The following OXCT1 variants were observed in gnomAD, a reference collection of about 807,000 sequenced individuals.
OXCT1 encodes the protein succinyl-CoA:3-ketoacid coenzyme A transferase 1, mitochondrial.
In OXCT1, 27 loss-of-function variants were observed where a neutral mutation model predicts 69.6. The observed-to-expected ratio is 0.39, with a 90% CI of 0.29 to 0.54. The LOEUF is 0.54. Ranked by LOEUF, OXCT1 falls within the 20% of genes least tolerant of loss-of-function variation. The probability of loss-of-function intolerance (pLI) is 0.72; values close to 1 mark genes in which losing one functional copy is unlikely to be tolerated. For missense variants in OXCT1, 437 were observed against 650.2 expected, an observed-to-expected ratio of 0.67 and a Z score of 3.57; for synonymous variants, 202 against 217.8, an observed-to-expected ratio of 0.93 and a Z score of 0.64.
intron 2 of OXCT1, among the ~76,000 whole-genome samples, chr5:41,862,074 G>C (rs1182938151): frequency 6.6e-6 from 1 of 152,144 alleles, no homozygotes; most frequent in African/African-American, 2.4e-5. Flanking sequence ...AGCCAGGAGT[G>C]ATGGTGGGTG....
At chr5:41,857,716 C>G (rs1749497208) in intron 3 of OXCT1, among the ~76,000 whole-genome samples, 1 of 152,236 alleles carries the variant, frequency 6.6e-6, no homozygotes, top group African/African-American at 2.4e-5. Context: ...CCCTCCAATA[C>G]AAATTCCAGT....
At position 41,776,157 on chromosome 5, in the gene OXCT1, T is replaced by G. The variant is rs113950799; in HGVS notation, c.1249-13957A>C. 6.4e-3 allele frequency among the ~76,000 whole-genome samples: 972 copies of G among 152,254 alleles called. 7 individuals are homozygous for G. Among genetic ancestry groups the G allele is most frequent in the Admixed American group, 0.021 (322 of 15,292 alleles). On this transcript the variant is annotated intron_variant, in intron 13 of 16. Transcript: ENST00000196371. ...TAAAAACCCATAACCCACATCTAATTATGAGAAAAACATCAGACAAATCCA... is the reference window on the plus strand; with the variant it reads ...TAAAAACCCATAACCCACATCTAATGATGAGAAAAACATCAGACAAATCCA...
At chr5:41,848,779 C>T (rs1161843117) in intron 5 of OXCT1, among the ~76,000 whole-genome samples, 8 of 152,028 alleles carry the variant, frequency 5.3e-5, no homozygotes, top group African/African-American at 7.2e-5. Context: ...ATACAAAAAT[C>T]AATTCAAGAT....
chr5:41,818,774 A>G (rs768207855), intron 7 of OXCT1, among the ~76,000 whole-genome samples: 14 of 152,200 alleles, frequency 9.2e-5, no homozygotes, highest in Non-Finnish European at 1.3e-4. Context: ...ACGTGTTTAT[A>G]AGACAAAAAT....
At chr5:41,732,385 T>C (rs1350267104) in intron 16 of OXCT1, among the ~76,000 whole-genome samples, 1 of 152,200 alleles carries the variant, frequency 6.6e-6, no homozygotes, top group East Asian at 1.9e-4. Context: ...ATGTTCAGTG[T>C]ATAAAACAGT....
chr5:41,782,233 T>A (rs1003539704), intron 13 of OXCT1, among the ~76,000 whole-genome samples: 5 of 151,514 alleles, frequency 3.3e-5, no homozygotes, highest in Non-Finnish European at 7.4e-5. Context: ...TTTTTTTTTT[T>A]AAATGGAGTC....
intron 3 of OXCT1, among the ~76,000 whole-genome samples, chr5:41,854,670 G>C (rs1749348211): frequency 6.6e-6 from 1 of 151,806 alleles, no homozygotes; most frequent in South Asian, 2.1e-4. Flanking sequence ...TTTTTTAATG[G>C]TGAAATTGTT....
At chr5:41,744,052 T>A (rs1219612384) in intron 15 of OXCT1, among the ~76,000 whole-genome samples, 1 of 152,194 alleles carries the variant, frequency 6.6e-6, no homozygotes, top group Non-Finnish European at 1.5e-5. Context: ...TAGCATTGAA[T>A]CTATAAATTA....
chr5:41,855,800 A>G (rs964874766), intron 3 of OXCT1, among the ~76,000 whole-genome samples: 5 of 152,212 alleles, frequency 3.3e-5, no homozygotes, highest in African/African-American at 1.2e-4. Context: ...ACAAATTGTG[A>G]TAATTCTGAA....
intron 1 of OXCT1, among the ~76,000 whole-genome samples, chr5:41,864,481 G>A (rs966061565): frequency 3.9e-5 from 6 of 152,178 alleles, no homozygotes; most frequent in African/African-American, 1.4e-4. Context: ...CTATTCATCT[G>A]CTTCTGTTTT....
chr5:41,811,179 T>C (rs1177573045), intron 7 of OXCT1, among the ~76,000 whole-genome samples: 1 of 151,276 alleles, frequency 6.6e-6, no homozygotes, highest in Non-Finnish European at 1.5e-5. Context: ...GTGCTCTGGA[T>C]GTTAAAATGA....
At chr5:41,785,895 A>G (rs921726631) in intron 13 of OXCT1, among the ~76,000 whole-genome samples, 6 of 152,238 alleles carry the variant, frequency 3.9e-5, no homozygotes, top group African/African-American at 1.4e-4. Flanking sequence ...TTGACAAATC[A>G]GAGCCTGAAA....
At chr5:41,794,153 G>A (rs531024330) in intron 12 of OXCT1, 75 bp from the exon 13 acceptor site, 5 of 1,053,050 alleles carry the variant, frequency 4.7e-6, no homozygotes, top group Non-Finnish European at 7.5e-6. Flanking sequence ...CCAGCAATTA[G>A]AATAACTTCA....
At chr5:41,791,309 T>A (rs948454164) in intron 13 of OXCT1, among the ~76,000 whole-genome samples, 4 of 152,238 alleles carry the variant, frequency 2.6e-5, no homozygotes, top group African/African-American at 9.6e-5. Flanking sequence ...ACACTTCTTA[T>A]GCTTAATTTT....
At chr5:41,823,720 A>T (rs200221957) in intron 7 of OXCT1, among the ~76,000 whole-genome samples, 1 of 152,310 alleles carries the variant, frequency 6.6e-6, no homozygotes, top group Non-Finnish European at 1.5e-5. Flanking sequence ...GCTATTTTTT[A>T]AATAATCATT....
chr5:41,809,848 C>A (rs1398242335), intron 7 of OXCT1, among the ~76,000 whole-genome samples: 1 of 152,002 alleles, frequency 6.6e-6, no homozygotes, highest in Non-Finnish European at 1.5e-5. Flanking sequence ...AAGCAAGAAT[C>A]TAGCTAAACA....
intron 14 of OXCT1, among the ~76,000 whole-genome samples, chr5:41,757,917 G>A (rs1050924156): frequency 6.6e-6 from 1 of 152,062 alleles, no homozygotes; most frequent in Non-Finnish European, 1.5e-5. Context: ...AAGCAGTGTT[G>A]ACTATGTTTA....
intron 14 of OXCT1, among the ~76,000 whole-genome samples, chr5:41,753,552 A>G (rs1487349588): frequency 6.6e-6 from 1 of 152,088 alleles, no homozygotes; most frequent in Non-Finnish European, 1.5e-5. Context: ...GAGTTGGCTC[A>G]GACACCATCT....
At chr5:41,862,809 G>A (rs1476288686) in intron 1 of OXCT1, 59 bp from the exon 2 acceptor site, 1 of 1,000,596 alleles carries the variant, frequency 1.0e-6, no homozygotes, top group Non-Finnish European at 1.6e-6. Flanking sequence ...TACTTTGTGT[G>A]TGTAGCAATT....
Sources: allele counts gnomAD v4.1 joint callset (sites outside exome capture counted in the v4.1 genomes callset), GRCh38; gene constraint gnomAD v4.1.1; transcripts MANE v1.5; gene names NCBI Gene and HGNC (gene_info 2026-07-23, HGNC 2026-07-21).